The following MYO1B variants were observed in gnomAD, a reference collection of about 807,000 sequenced individuals.
MYO1B encodes the protein myosin IB, also known as unconventional myosin-Ib.
MYO1B carries 72 observed loss-of-function variants against 159.7 expected under a neutral mutation model. That is an observed-to-expected ratio of 0.45 (90% confidence interval 0.37 to 0.55). The LOEUF is 0.55. Ranked by LOEUF, MYO1B falls within the 20% of genes least tolerant of loss-of-function variation. MYO1B has a pLI of 0.00. For synonymous variants in MYO1B, 468 were observed against 473.8 expected, an observed-to-expected ratio of 0.99 and a Z score of 0.16; for missense variants, 1,062 against 1,364.8, an observed-to-expected ratio of 0.78 and a Z score of 3.50.
chr2:191,284,150 C>G (rs1293420508), intron 2 of MYO1B, among the ~76,000 whole-genome samples: 2 of 152,182 alleles, frequency 1.3e-5, no homozygotes, highest in Non-Finnish European at 2.9e-5. Context: ...GGCTCTTCAC[C>G]TTTATGAGCA....
intron 3 of MYO1B, among the ~76,000 whole-genome samples, chr2:191,302,064 T>C (rs1316676141): frequency 6.6e-6 from 1 of 152,202 alleles, no homozygotes; most frequent in Non-Finnish European, 1.5e-5. Context: ...TTCATGTCTT[T>C]TCCTTTCTAC....
At chr2:191,285,509 T>A (rs537159731) in intron 2 of MYO1B, among the ~76,000 whole-genome samples, 1 of 152,208 alleles carries the variant, frequency 6.6e-6, no homozygotes, top group African/African-American at 2.4e-5. Flanking sequence ...GCCAGTGATT[T>A]AAGGCACAAC....
At chr2:191,300,412 C>T (rs1351197006) in intron 3 of MYO1B, among the ~76,000 whole-genome samples, 9 of 150,398 alleles carry the variant, frequency 6.0e-5, no homozygotes, top group Non-Finnish European at 1.0e-4. Flanking sequence ...GGCGCGATCT[C>T]GGCTCACTGC....
In MYO1B at chr2:191,414,108, A is replaced by C. The variant is rs1355565571; in HGVS notation, c.2934A>C (p.Lys978Asn). 6.8e-6 allele frequency: 11 copies of C among 1,613,482 alleles called. No homozygotes were observed. The highest frequency in any genetic ancestry group is 9.3e-6 in the Non-Finnish European group (11 of 1,179,678). The part of the protein sequence containing the change: ...LEINKNPKYK[K>N]LKDAIEEKII... ...TCAACAAGAACCCCAAGTATAAGAAACTCAAAGATGCCATTGAAGAAAAGA... is the reference window on the plus strand; with the variant it reads ...TCAACAAGAACCCCAAGTATAAGAACCTCAAAGATGCCATTGAAGAAAAGA... The change falls in exon 28 of 31, where the codon AAA (lysine) becomes AAC (asparagine). Residue 978 changes from lysine (K) to asparagine (N), a missense_variant. Physicochemically the swap from Lys to Asn is moderately conservative, Grantham distance 94 (BLOSUM62 0). This residue lies in a region of MYO1B where 609 missense variants were observed against 744.4 expected (regional missense o/e 0.82). Transcript: ENST00000392318.
intron 30 of MYO1B, among the ~76,000 whole-genome samples, chr2:191,421,839 T>A (rs1382501378): frequency 2.0e-5 from 3 of 152,238 alleles, no homozygotes; most frequent in African/African-American, 7.2e-5. Context: ...GAATTTTCAA[T>A]AAACCTGAAA....
chr2:191,368,351 A>G (rs1481748059), intron 11 of MYO1B, among the ~76,000 whole-genome samples: 1 of 152,206 alleles, frequency 6.6e-6, no homozygotes, highest in Non-Finnish European at 1.5e-5. Flanking sequence ...CAAAACCTCA[A>G]GCTTTTTCTC....
intron 3 of MYO1B, 57 bp downstream of exon 3, chr2:191,296,283 C>G (rs1365048187): frequency 7.4e-6 from 7 of 940,664 alleles, no homozygotes; most frequent in African/African-American, 1.7e-5. Flanking sequence ...GTGTAGTTGA[C>G]AGATGTGTGC....
Position 191,400,482 on chromosome 2 carries a change from C to A in MYO1B, c.2382+14C>A, listed in dbSNP as rs758774742. 1 of 1,614,002 alleles carries A rather than the reference C, an allele frequency of 6.2e-7. No homozygotes were observed. ...CATGGGACCCAGGTAGGCCCGAGAC[C>A]CCAAGGAAGGCGGTGGGTCAGCAGT... On this transcript the variant is annotated intron_variant, in intron 22 of 30. Coordinates refer to ENST00000392318, the MANE Select transcript of MYO1B (RefSeq NM_001130158.3).
chr2:191,403,050 C>T (rs1046383257), intron 24 of MYO1B, among the ~76,000 whole-genome samples: 1 of 152,120 alleles, frequency 6.6e-6, no homozygotes, highest in East Asian at 1.9e-4. Context: ...AATAGTTGAG[C>T]TAAAAGCTGC....
At chr2:191,381,260 CTTCA>C (rs1280750368) in intron 13 of MYO1B, 198 bp from the exon 14 acceptor site, 5 of 640,016 alleles carry the variant, frequency 7.8e-6, no homozygotes, top group Admixed American at 4.5e-5. Context: ...TTTGTGTATA[CTTCA>C]TTCATTCACT....
At chr2:191,321,588 T>C (rs1690716313) in intron 3 of MYO1B, among the ~76,000 whole-genome samples, 1 of 152,178 alleles carries the variant, frequency 6.6e-6, no homozygotes, top group Non-Finnish European at 1.5e-5. Flanking sequence ...TATTTGTTCT[T>C]TTCTCCAAAT....
intron 4 of MYO1B, among the ~76,000 whole-genome samples, chr2:191,331,054 TACTCTTTACTCC>T (rs1691439949): frequency 6.6e-6 from 1 of 152,218 alleles, no homozygotes; most frequent in Non-Finnish European, 1.5e-5. Flanking sequence ...CTTCTACACC[TACTCTTTACTCC>T]ACTTGCCTTA....
intron 1 of MYO1B, among the ~76,000 whole-genome samples, chr2:191,265,224 C>T (rs1419687263): frequency 6.7e-6 from 1 of 149,186 alleles, no homozygotes; most frequent in Non-Finnish European, 1.5e-5. Context: ...GCCATTCTGC[C>T]ATAGTGTATC....
At chr2:191,338,311 A>G (rs182909556) in intron 4 of MYO1B, among the ~76,000 whole-genome samples, 15 of 152,362 alleles carry the variant, frequency 9.8e-5, no homozygotes, top group Admixed American at 9.8e-4. Context: ...ATAAATTATT[A>G]AAACAGCTTG....
Position 191,400,748 on chromosome 2 carries a change from G to A in MYO1B, c.2383-1G>A, listed in dbSNP as rs1696560471. 1 of 1,613,748 alleles carries A rather than the reference G, an allele frequency of 6.2e-7. No homozygotes were observed. The highest frequency in any genetic ancestry group is 1.7e-5 in the Admixed American group (1 of 59,972). On this transcript the variant is annotated splice_acceptor_variant, in intron 22 of 30. Transcript: ENST00000392318. LOFTEE classifies it high-confidence loss of function. ...GTAACTCCTTTTCAAATGCATCACAGGCACGAAGGGAACTGAGACGGCTGA... is the reference window on the plus strand; with the variant it reads ...GTAACTCCTTTTCAAATGCATCACAAGCACGAAGGGAACTGAGACGGCTGA...
At chr2:191,299,222 C>T (rs1020054615) in intron 3 of MYO1B, among the ~76,000 whole-genome samples, 4 of 152,142 alleles carry the variant, frequency 2.6e-5, no homozygotes, top group Admixed American at 1.3e-4. Flanking sequence ...CTAGTTCACA[C>T]CCCTCACCCC....
In MYO1B at chr2:191,390,325, C is replaced by T; in HGVS notation, c.1815C>T (p.His605=). Residue 605 remains histidine, a synonymous_variant, in exon 18 of 31, where the codon CAC becomes CAT. Transcript: ENST00000392318. ...AACCGAATGATAAAAAAGCAGCACACATCTTCAACGAGGCTCTAGTGTGTC... is the reference window on the plus strand; with the variant it reads ...AACCGAATGATAAAAAAGCAGCACATATCTTCAACGAGGCTCTAGTGTGTC... ...CIKPNDKKAA[H]IFNEALVCHQ... is the part of the protein sequence containing the mutation. 6.2e-7 allele frequency: 1 copy of T among 1,614,050 alleles called. No individual in the cohort carries two copies. The highest frequency in any genetic ancestry group is 8.5e-7 in the Non-Finnish European group (1 of 1,179,896).
At chr2:191,393,002 G>A in intron 19 of MYO1B, 71 bp from the exon 20 acceptor site, 1 of 1,428,552 alleles carries the variant, frequency 7.0e-7, no homozygotes, top group Non-Finnish European at 9.6e-7. Context: ...TTTGTCTCCT[G>A]AAAATTCCTT....
chr2:191,383,237 C>T, intron 14 of MYO1B, 43 bp from the exon 15 acceptor site: 1 of 1,269,920 alleles, frequency 7.9e-7, no homozygotes, highest in South Asian at 1.4e-5. Context: ...AGTGTCGTGG[C>T]TTCATCTTGT....
Sources: allele counts gnomAD v4.1 joint callset (sites outside exome capture counted in the v4.1 genomes callset), GRCh38; gene constraint gnomAD v4.1.1; regional missense constraint gnomAD v4.1.1; transcripts MANE v1.5; gene names NCBI Gene and HGNC (gene_info 2026-07-23, HGNC 2026-07-21).